TTC23: variants seen among roughly 807,000 people sequenced by gnomAD.
TTC23 encodes tetratricopeptide repeat domain 23, also known as tetratricopeptide repeat protein 23.
A neutral mutation model predicts 55.1 loss-of-function variants in TTC23; 58 were observed. The ratio of observed to expected loss-of-function variants is 1.05; its 90% CI spans 0.85 to 1.31. The LOEUF (loss-of-function observed/expected upper bound fraction) is 1.31. TTC23 is among the 50% of genes most tolerant of loss of function. TTC23 has a pLI of 0.00. For missense variants in TTC23, 516 were observed against 534.4 expected (o/e 0.97, Z 0.34); for synonymous variants, 203 against 199.9 (o/e 1.02, Z -0.13).
chr15:99,141,606 T>TA (rs1224671567), intron 12 of TTC23, among the ~76,000 whole-genome samples: 6 of 151,968 alleles, frequency 3.9e-5, no homozygotes, highest in African/African-American at 1.2e-4. Flanking sequence ...ATAGCTTGAG[T>TA]AAAAAAAAGT....
At chr15:99,250,886 G>A (rs527348114), upstream of TTC23, among the ~76,000 whole-genome samples, 2 of 152,288 alleles carry the variant, frequency 1.3e-5, no homozygotes, top group African/African-American at 4.8e-5. Flanking sequence ...CTCACTACTT[G>A]CTAAATAACG....
chr15:99,171,559 C>CTTTTTT (rs35676358), intron 10 of TTC23, among the ~76,000 whole-genome samples: 9 of 92,300 alleles, frequency 9.8e-5, no homozygotes, highest in Non-Finnish European at 9.9e-5. Context: ...GTCTCTCCGT[C>CTTTTTT]TTTTTTTTTT....
intron 9 of TTC23, among the ~76,000 whole-genome samples, chr15:99,178,742 G>T (rs2073843275): frequency 6.6e-6 from 1 of 152,144 alleles, no homozygotes; most frequent in Non-Finnish European, 1.5e-5. Flanking sequence ...CATGAGATTG[G>T]CCTGTACTCA....
intron 8 of TTC23, among the ~76,000 whole-genome samples, chr15:99,217,685 A>G (rs1044100604): frequency 2.0e-5 from 3 of 152,228 alleles, no homozygotes; most frequent in African/African-American, 4.8e-5. Context: ...CCACCCAAGA[A>G]AAACAAAAGA....
At chr15:99,182,361 G>A (rs1439087803) in intron 9 of TTC23, among the ~76,000 whole-genome samples, 1 of 151,242 alleles carries the variant, frequency 6.6e-6, no homozygotes, top group Non-Finnish European at 1.5e-5. Context: ...CAGCCACAAT[G>A]GCCAGACAGC....
At chr15:99,208,157 T>A (rs2076769461) in intron 8 of TTC23, among the ~76,000 whole-genome samples, 1 of 152,088 alleles carries the variant, frequency 6.6e-6, no homozygotes, top group African/African-American at 2.4e-5. Context: ...CTGGATTATA[T>A]CAATTGGTAG....
intron 9 of TTC23, among the ~76,000 whole-genome samples, chr15:99,195,921 A>T (rs2075663751): frequency 6.6e-6 from 1 of 151,892 alleles, no homozygotes; most frequent in Admixed American, 6.6e-5. Context: ...TGGGAGGCTG[A>T]GGCAGGGGGA....
chr15:99,192,255 T>C (rs1476008962), intron 9 of TTC23, among the ~76,000 whole-genome samples: 1 of 152,098 alleles, frequency 6.6e-6, no homozygotes, highest in Non-Finnish European at 1.5e-5. Flanking sequence ...CTGCAGGTAA[T>C]GAGGAGTGAA....
chr15:99,207,380 T>C (rs2076708440), intron 8 of TTC23, among the ~76,000 whole-genome samples: 2 of 152,154 alleles, frequency 1.3e-5, no homozygotes, highest in South Asian at 4.1e-4. Context: ...AACATGTGAA[T>C]AGATAATTCA....
intron 12 of TTC23, among the ~76,000 whole-genome samples, chr15:99,153,980 T>C (rs1391722833): frequency 6.6e-6 from 1 of 152,194 alleles, no homozygotes; most frequent in Non-Finnish European, 1.5e-5. Flanking sequence ...TCTGAAAATA[T>C]AAGTGAAATG....
At chr15:99,246,894 C>T (rs529842154) in intron 1 of TTC23, among the ~76,000 whole-genome samples, 2 of 152,232 alleles carry the variant, frequency 1.3e-5, no homozygotes, top group African/African-American at 4.8e-5. Flanking sequence ...TGCACTCCAG[C>T]CTGAGCGACA....
intron 10 of TTC23, among the ~76,000 whole-genome samples, chr15:99,166,153 A>T (rs1180199546): frequency 6.6e-6 from 1 of 152,176 alleles, no homozygotes; most frequent in Non-Finnish European, 1.5e-5. Context: ...CAGAGGCCAA[A>T]AGGGCTAGGG....
At chr15:99,221,670 G>A in intron 6 of TTC23, 71 bp downstream of exon 6, 2 of 1,592,928 alleles carry the variant, frequency 1.3e-6, no homozygotes, top group Middle Eastern at 1.7e-4. Flanking sequence ...TTCTAATTAA[G>A]TGTGAATCAA....
intron 1 of TTC23, among the ~76,000 whole-genome samples, chr15:99,246,787 G>T (rs60531793): frequency 6.6e-6 from 1 of 152,030 alleles, no homozygotes; most frequent in South Asian, 2.1e-4. Flanking sequence ...GGGCGTGGTC[G>T]TGGGCACCTG....
chr15:99,198,074 T>C (rs189786766), intron 9 of TTC23, among the ~76,000 whole-genome samples: 1 of 152,270 alleles, frequency 6.6e-6, no homozygotes, highest in Admixed American at 6.5e-5. Context: ...TCAGTTCTTT[T>C]CTCTCTCCAT....
At position 99,147,770 on chromosome 15, in the gene TTC23, CA is replaced by C. The variant is rs546729980; in HGVS notation, c.1144-8372del. On this transcript the variant is annotated intron_variant, in intron 12 of 13. Transcript: ENST00000394132. ...GTTAGTCAAAGATGATTATAAAAAT[CA>C]GGATCAAGGACAAATGAGGCTCTAC... Among the ~76,000 whole-genome samples, 606 of 152,104 alleles carry C rather than the reference CA, an allele frequency of 4.0e-3. 4 individuals are homozygous for C. The highest frequency in any genetic ancestry group is 6.3e-3 in the Non-Finnish European group (429 of 67,982).
chr15:99,179,124 C>T (rs566815993), intron 9 of TTC23, among the ~76,000 whole-genome samples: 50 of 152,302 alleles, frequency 3.3e-4, no homozygotes, highest in Non-Finnish European at 3.7e-4. Context: ...AAGGACCACA[C>T]GGAAATGTCC....
chr15:99,138,184 C>T, intron 13 of TTC23, 57 bp from the exon 14 acceptor site: 1 of 1,594,110 alleles, frequency 6.3e-7, no homozygotes, highest in Non-Finnish European at 8.5e-7. Context: ...CCACACCGTT[C>T]CCATCCAGCC....
chr15:99,222,389 AC>A (rs1567526669), intron 5 of TTC23, among the ~76,000 whole-genome samples: 1 of 151,982 alleles, frequency 6.6e-6, no homozygotes, highest in Non-Finnish European at 1.5e-5. Flanking sequence ...CAATCCTCCC[AC>A]CTCAGCCTCC....
Sources: gnomAD v4.1 joint callset for allele counts (sites outside exome capture counted in the v4.1 genomes callset) on GRCh38, gnomAD v4.1.1 for gene constraint, MANE v1.5 for transcripts, NCBI Gene and HGNC (gene_info 2026-07-23, HGNC 2026-07-21) for gene names.